Variants in RASAL2 observed in about 807,000 individuals in gnomAD.
RASAL2 encodes the protein RAS protein activator like 2.
Under a neutral mutation model 128.9 loss-of-function variants are expected in RASAL2, and 58 were observed. That is an observed-to-expected ratio of 0.45 (90% CI 0.36 to 0.56). The LOEUF is 0.56. RASAL2 is among the 20% of genes least tolerant of loss of function. The probability of loss-of-function intolerance (pLI) is 0.00; values close to 1 mark genes in which losing one functional copy is unlikely to be tolerated. For missense variants in RASAL2, 1,360 were observed against 1,601.6 expected (o/e 0.85, Z 2.57); for synonymous variants, 561 against 580.8 (o/e 0.97, Z 0.49).
At chr1:178,218,802 A>T (rs369755335) in intron 1 of RASAL2, among the ~76,000 whole-genome samples, 4 of 152,324 alleles carry the variant, frequency 2.6e-5, no homozygotes, top group African/African-American at 9.6e-5. Context: ...GGGCCCTAGG[A>T]TTTTTTGGAA....
chr1:178,410,693 G>A (rs1179497696), intron 4 of RASAL2, among the ~76,000 whole-genome samples: 2 of 151,256 alleles, frequency 1.3e-5, no homozygotes, highest in Admixed American at 6.6e-5. Flanking sequence ...AGATAATCCC[G>A]TCAAAAAGTG....
At chr1:178,443,701 A>C (rs1676818382) in intron 8 of RASAL2, among the ~76,000 whole-genome samples, 1 of 152,210 alleles carries the variant, frequency 6.6e-6, no homozygotes, top group South Asian at 2.1e-4. Flanking sequence ...CTATATTTAG[A>C]ATAAAAATCC....
chr1:178,178,892 T>C (rs563085410), intron 1 of RASAL2, among the ~76,000 whole-genome samples: 23 of 152,366 alleles, frequency 1.5e-4, no homozygotes, highest in African/African-American at 4.1e-4. Flanking sequence ...ATTATACTTA[T>C]ACATGAATGA....
At chr1:178,208,050 T>C (rs1018873770) in intron 1 of RASAL2, among the ~76,000 whole-genome samples, 4 of 152,226 alleles carry the variant, frequency 2.6e-5, no homozygotes, top group Admixed American at 6.5e-5. Context: ...AATCCTGTTA[T>C]CTTCATAAGC....
At chr1:178,104,836 G>A (rs928497092) in intron 1 of RASAL2, among the ~76,000 whole-genome samples, 1 of 152,148 alleles carries the variant, frequency 6.6e-6, no homozygotes, top group Non-Finnish European at 1.5e-5. Context: ...GTGAATGAGG[G>A]AAGGGCGGGA....
chr1:178,217,139 C>T (rs1663448831), intron 1 of RASAL2, among the ~76,000 whole-genome samples: 1 of 152,032 alleles, frequency 6.6e-6, no homozygotes, highest in African/African-American at 2.4e-5. Context: ...CCACGCCTGG[C>T]TAATTTTGTA....
At chr1:178,160,204 CATT>C (rs142434428) in intron 1 of RASAL2, among the ~76,000 whole-genome samples, 3,172 of 152,076 alleles carry the variant, frequency 0.021, 95 homozygotes, top group African/African-American at 0.069. Context: ...AAAGAAACAT[CATT>C]ACTTAATAAA....
intron 1 of RASAL2, among the ~76,000 whole-genome samples, chr1:178,237,822 T>A (rs1198448538): frequency 6.6e-6 from 1 of 152,170 alleles, no homozygotes; most frequent in Non-Finnish European, 1.5e-5. Context: ...ATCATCCATC[T>A]CCAGACTATT....
chr1:178,319,913 A>C (rs1053330917), intron 3 of RASAL2, among the ~76,000 whole-genome samples: 1 of 152,024 alleles, frequency 6.6e-6, no homozygotes, highest in Non-Finnish European at 1.5e-5. Context: ...TTTTTTCTCC[A>C]TCTTTGTGGT....
intron 3 of RASAL2, among the ~76,000 whole-genome samples, chr1:178,342,148 G>A (rs547575806): frequency 6.6e-6 from 1 of 152,254 alleles, no homozygotes; most frequent in Admixed American, 6.5e-5. Flanking sequence ...TTTTGCCCAA[G>A]GTAGGCTTTT....
At chr1:178,208,366 G>T in intron 1 of RASAL2, among the ~76,000 whole-genome samples, 1 of 152,094 alleles carries the variant, frequency 6.6e-6, no homozygotes, top group East Asian at 1.9e-4. Flanking sequence ...TGCATTCCTT[G>T]GGGGAGGTCT....
chr1:178,350,072 ATCT>A (rs1670377979), intron 3 of RASAL2, among the ~76,000 whole-genome samples: 1 of 152,190 alleles, frequency 6.6e-6, no homozygotes, highest in African/African-American at 2.4e-5. Context: ...TTCTAGAGCA[ATCT>A]TCTTCACTAG....
In RASAL2 at chr1:178,341,667, G is replaced by C. The variant is rs1315737689; in HGVS notation, c.457+41549G>C. 3 of 1,609,414 alleles carry C rather than the reference G, an allele frequency of 1.9e-6. No homozygotes were observed. In the African/African-American group the frequency reaches 4.0e-5, roughly 22 times the overall value. Reference sequence around the variant, plus strand: ...AAGTCACGTATTTAAGGGGAATGTGGCTTTTTAAAAATTACACAAATGCAG... The same window carrying C: ...AAGTCACGTATTTAAGGGGAATGTGCCTTTTTAAAAATTACACAAATGCAG... On this transcript the variant is annotated intron_variant, in intron 3 of 17. Transcript: ENST00000367649.
At chr1:178,366,716 A>G (rs1048210274) in intron 3 of RASAL2, among the ~76,000 whole-genome samples, 18 of 152,144 alleles carry the variant, frequency 1.2e-4, no homozygotes, top group African/African-American at 4.1e-4. Context: ...ATTAAAAAGT[A>G]GAAACAACCC....
At chr1:178,326,288 G>T (rs879928663) in intron 3 of RASAL2, among the ~76,000 whole-genome samples, 1 of 151,920 alleles carries the variant, frequency 6.6e-6, no homozygotes, top group Non-Finnish European at 1.5e-5. Context: ...TTCCCATCAG[G>T]GAATAAGAGA....
intron 13 of RASAL2, among the ~76,000 whole-genome samples, 164 bp downstream of exon 13, chr1:178,457,063 G>T (rs545055332): frequency 5.8e-4 from 88 of 152,324 alleles, no homozygotes; most frequent in Non-Finnish European, 8.8e-4. Context: ...TAATGCACAA[G>T]ATCTGGGATG....
intron 4 of RASAL2, among the ~76,000 whole-genome samples, chr1:178,416,349 A>G (rs1179712696): frequency 6.6e-6 from 1 of 152,074 alleles, no homozygotes; most frequent in Non-Finnish European, 1.5e-5. Flanking sequence ...TTATAATAAA[A>G]TAATCTTAAT....
chr1:178,138,400 GT>G, intron 1 of RASAL2, among the ~76,000 whole-genome samples: 1 of 152,188 alleles, frequency 6.6e-6, no homozygotes, highest in East Asian at 1.9e-4. Context: ...AAATGTAAAA[GT>G]TTTACATAAA....
chr1:178,285,260 A>G (rs1005414033), intron 2 of RASAL2, among the ~76,000 whole-genome samples: 2 of 151,216 alleles, frequency 1.3e-5, no homozygotes, highest in Non-Finnish European at 3.0e-5. Context: ...AGCTGGGACT[A>G]CAGGCGCCCG....
Sources: allele counts gnomAD v4.1 joint callset (sites outside exome capture counted in the v4.1 genomes callset), GRCh38; gene constraint gnomAD v4.1.1; transcripts MANE v1.5; gene names NCBI Gene and HGNC (gene_info 2026-07-23, HGNC 2026-07-21).